The following POC1B variants were observed in gnomAD, a reference collection of about 807,000 sequenced individuals.
The protein encoded by POC1B is POC1 centriolar protein homolog B.
A neutral mutation model predicts 60.6 loss-of-function variants in POC1B; 44 were observed. The observed-to-expected ratio is 0.73, with a 90% CI of 0.57 to 0.93. POC1B has a LOEUF of 0.93. Among genes scored for constraint, POC1B ranks in the 40% least tolerant of loss-of-function variants. The pLI, the probability that POC1B is intolerant of heterozygous loss-of-function variation, is 0.00. For synonymous variants in POC1B, 180 were observed against 198.9 expected, an observed-to-expected ratio of 0.90 and a Z score of 0.80; for missense variants, 555 against 572.3, an observed-to-expected ratio of 0.97 and a Z score of 0.31.
At chr12:89,525,702 C>T in intron 1 of POC1B, 179 bp downstream of exon 1, 1 of 1,258,974 alleles carries the variant, frequency 7.9e-7, no homozygotes, top group African/African-American at 1.5e-5. Context: ...GGGTTCCGCA[C>T]TCCGTCCGCC....
intron 10 of POC1B, among the ~76,000 whole-genome samples, chr12:89,447,130 A>G (rs1881822838): frequency 6.6e-6 from 1 of 152,352 alleles, no homozygotes; most frequent in South Asian, 2.1e-4. Flanking sequence ...AAAGTTTTCA[A>G]TACATTTAAG....
At chr12:89,404,562 C>T in the POC1B span, among the ~76,000 whole-genome samples, 1 of 152,108 alleles carries the variant, frequency 6.6e-6, no homozygotes, top group Non-Finnish European at 1.5e-5. Flanking sequence ...AGTATAATAA[C>T]CAGCTTACCT....
At chr12:89,489,719 A>G (rs1036548375) in intron 4 of POC1B, among the ~76,000 whole-genome samples, 3 of 152,196 alleles carry the variant, frequency 2.0e-5, no homozygotes, top group African/African-American at 7.2e-5. Context: ...ACAAAGCAGG[A>G]TGGCTACAGG....
chr12:89,502,975 A>G (rs1015329143), intron 2 of POC1B, among the ~76,000 whole-genome samples: 11 of 152,198 alleles, frequency 7.2e-5, no homozygotes, highest in African/African-American at 2.2e-4. Flanking sequence ...ATGTGTGTAT[A>G]TATGTATATG....
intron 10 of POC1B, among the ~76,000 whole-genome samples, chr12:89,435,973 TCTCA>T (rs1461920063): frequency 6.7e-6 from 1 of 150,024 alleles, no homozygotes; most frequent in East Asian, 2.0e-4. Flanking sequence ...TGAGACAGAA[TCTCA>T]CTATGTCGCC....
At position 89,525,983 on chromosome 12, in the gene POC1B, G is replaced by T; in HGVS notation, c.-88C>A. 2 of 1,543,880 alleles carry T rather than the reference G, an allele frequency of 1.3e-6. No individual in the cohort carries two copies. Among genetic ancestry groups the T allele is most frequent in the South Asian group, 2.4e-5 (2 of 83,760 alleles). On this transcript the variant is annotated 5_prime_UTR_variant, in exon 1 of 12. Transcript: ENST00000313546. ...ATGGGGAAGGAGAGGGGACCGTGCG[G>T]CTCCCGGAACCGTCTGCCCAGAGCG...
At chr12:89,443,005 A>G (rs939488033) in intron 10 of POC1B, among the ~76,000 whole-genome samples, 1 of 152,236 alleles carries the variant, frequency 6.6e-6, no homozygotes, top group African/African-American at 2.4e-5. Context: ...AGAGACAAAG[A>G]AGGCCATTAC....
At chr12:89,524,816 TC>T in intron 2 of POC1B, 1 of 609,526 alleles carries the variant, frequency 1.6e-6, no homozygotes, top group Non-Finnish European at 2.9e-6. Context: ...CACCCCACCC[TC>T]CCCGGGCCGA....
intron 10 of POC1B, among the ~76,000 whole-genome samples, chr12:89,458,767 T>C (rs892952855): frequency 2.0e-5 from 3 of 152,234 alleles, no homozygotes; most frequent in Admixed American, 2.0e-4. Flanking sequence ...ACTGACATCA[T>C]AGCAGTAGTG....
Position 89,521,604 on chromosome 12 carries a change from C to T in POC1B, c.100+3516G>A, listed in dbSNP as rs56337321. 1,049 of 164,882 alleles carry T rather than the reference C, an allele frequency of 6.4e-3. 12 individuals are homozygous for T. The highest frequency in any genetic ancestry group is 0.024 in the African/African-American group (1,008 of 42,140). The allele number at this position is 164,882 out of a possible 1,614,324, so 10.2% of individuals were successfully genotyped here. ...CTGGAAGGGATCTTTAAGATCCAATCCAGCACCCACATTTTACCAATGAGA... is the reference window on the plus strand; with the variant it reads ...CTGGAAGGGATCTTTAAGATCCAATTCAGCACCCACATTTTACCAATGAGA... On this transcript the variant is annotated intron_variant, in intron 2 of 11. Transcript: ENST00000313546.
chr12:89,479,189 T>A (rs2135726061), intron 4 of POC1B, among the ~76,000 whole-genome samples: 1 of 152,354 alleles, frequency 6.6e-6, no homozygotes, highest in East Asian at 1.9e-4. Flanking sequence ...TCTTTTATAA[T>A]ATAACCACTG....
At chr12:89,488,935 G>T (rs1360184847) in intron 4 of POC1B, among the ~76,000 whole-genome samples, 1 of 152,078 alleles carries the variant, frequency 6.6e-6, no homozygotes, top group Non-Finnish European at 1.5e-5. Flanking sequence ...TCACAGTGGG[G>T]GCTAAATAAC....
intron 11 of POC1B, among the ~76,000 whole-genome samples, chr12:89,422,356 C>T (rs1200748042): frequency 1.3e-5 from 2 of 152,150 alleles, no homozygotes; most frequent in East Asian, 3.8e-4. Context: ...ATTAATGTGT[C>T]ACTTAAAGTC....
At chr12:89,414,560 C>A in the POC1B span, among the ~76,000 whole-genome samples, 1 of 152,196 alleles carries the variant, frequency 6.6e-6, no homozygotes, top group Non-Finnish European at 1.5e-5. Context: ...ATTCACTGTA[C>A]ATTCATAAAT....
rs150855000 is a variant in POC1B at position 89,458,229 on chromosome 12, G to A, written c.1113+1409C>T. Among the ~76,000 whole-genome samples the A allele has an allele frequency of 4.6e-4, 70 of 152,278 alleles. 1 individual carries two copies. In the East Asian group the frequency reaches 0.012, roughly 25 times the overall value. The stretch of plus-strand genomic sequence containing the variant: ...CTGTTTGCTCCTTCTCGCTACAGGG[G>A]GAAAACCTAACTCATCAGATTTTGT... On this transcript the variant is annotated intron_variant, in intron 10 of 11. Transcript: ENST00000313546.
rs201453476 is a variant in POC1B, at chr12:89,523,453, T to G, written c.100+1667A>C. On this transcript the variant is annotated intron_variant, in intron 2 of 11. Coordinates refer to ENST00000313546, the MANE Select transcript of POC1B (RefSeq NM_172240.3). Reference sequence around the variant, plus strand: ...ATTGGGGCGAGCATATGGTGCCCGCTTGGGGAACACATGGCCCACGTGGGA... The same window carrying G: ...ATTGGGGCGAGCATATGGTGCCCGCGTGGGGAACACATGGCCCACGTGGGA... 2.3e-5 allele frequency: 37 copies of G among 1,614,126 alleles called. No homozygotes were observed. The South Asian group carries it at 4.1e-4, about 18-fold the overall frequency.
intron 4 of POC1B, 61 bp from the exon 5 acceptor site, chr12:89,472,336 C>T: frequency 9.7e-7 from 1 of 1,029,254 alleles, no homozygotes; most frequent in Non-Finnish European, 1.5e-6. Context: ...ACCACCTCAC[C>T]TCTACACCAC....
chr12:89,517,859 A>G (rs764201633), intron 2 of POC1B, among the ~76,000 whole-genome samples: 9 of 152,248 alleles, frequency 5.9e-5, no homozygotes, highest in Non-Finnish European at 7.4e-5. Context: ...CAGTAGCCTT[A>G]ACTAAATAAG....
intron 10 of POC1B, among the ~76,000 whole-genome samples, chr12:89,443,177 A>G (rs1881609772): frequency 2.0e-5 from 3 of 152,218 alleles, no homozygotes; most frequent in Admixed American, 2.0e-4. Context: ...CCCCACTGTC[A>G]ACATTAGACA....
Sources: allele counts gnomAD v4.1 joint callset (sites outside exome capture counted in the v4.1 genomes callset), GRCh38; gene constraint gnomAD v4.1.1; transcripts MANE v1.5; gene names NCBI Gene and HGNC (gene_info 2026-07-23, HGNC 2026-07-21).